CDKN2B-AS1: variants seen among roughly 807,000 people sequenced by gnomAD.
CDKN2B-AS1 encodes the protein CDKN2B antisense RNA 1 (non-protein coding).
Position 22,005,971 on chromosome 9 carries a change from G to T in CDKN2B-AS1, n.29+10810G>T, listed in dbSNP as rs1236903040. The T allele has an allele frequency of 6.2e-7, 1 of 1,600,122 alleles. No individual in the cohort carries two copies. The highest frequency in any genetic ancestry group is 8.5e-7 in the Non-Finnish European group (1 of 1,179,682). ...TAAGAAAATAAAGTCGTTGTGGGCG[G>T]CTGGGGAACCTGGCGTCAGTCCCCC... On this transcript the variant is annotated intron_variant and non_coding_transcript_variant, in intron 1 of 4. Coordinates refer to ENST00000650946, the Ensembl canonical transcript of CDKN2B-AS1. This position sits in a 1 kb window ranked among gnomAD's most constrained non-coding sequence, Gnocchi z 4.9.
At chr9:22,055,296 T>A (rs938715164) in intron 3 of CDKN2B-AS1, among the ~76,000 whole-genome samples, 49 of 152,064 alleles carry the variant, frequency 3.2e-4, no homozygotes, top group Non-Finnish European at 1.3e-4. Context: ...ATCTACTCTC[T>A]TAGCAATTTT....
At chr9:22,077,505 T>TATCAGTTG in intron 4 of CDKN2B-AS1, among the ~76,000 whole-genome samples, 1 of 152,354 alleles carries the variant, frequency 6.6e-6, no homozygotes, top group East Asian at 1.9e-4. Flanking sequence ...TTTATCAGTT[T>TATCAGTTG]AATATAAACA....
intron 1 of CDKN2B-AS1, among the ~76,000 whole-genome samples, chr9:22,011,942 G>A (rs984566905): frequency 6.6e-6 from 1 of 152,192 alleles, no homozygotes; most frequent in Non-Finnish European, 1.5e-5. Flanking sequence ...GAAAGAAAGA[G>A]AAAGTTAATG....
intron 4 of CDKN2B-AS1, among the ~76,000 whole-genome samples, chr9:22,071,745 A>G (rs1438439745): frequency 6.6e-6 from 1 of 152,140 alleles, no homozygotes. Context: ...CTTTTGAATT[A>G]TTTTTCGTAT....
chr9:22,066,641 A>G (rs192734009), intron 4 of CDKN2B-AS1, among the ~76,000 whole-genome samples: 32 of 152,082 alleles, frequency 2.1e-4, no homozygotes, highest in African/African-American at 7.7e-4. Context: ...GCTATTGTCA[A>G]TAATGTCTCA....
At chr9:22,032,169 A>G (rs1822503766) in intron 1 of CDKN2B-AS1, among the ~76,000 whole-genome samples, 1 of 152,142 alleles carries the variant, frequency 6.6e-6, no homozygotes, top group Non-Finnish European at 1.5e-5. Flanking sequence ...GAGAATGGTC[A>G]TTTGTGATTC....
chr9:22,044,105 G>T (rs1417623595), intron 1 of CDKN2B-AS1, among the ~76,000 whole-genome samples: 1 of 151,946 alleles, frequency 6.6e-6, no homozygotes, highest in Non-Finnish European at 1.5e-5. Context: ...AAGGAACAGT[G>T]GAAGTCAAGC....
chr9:22,034,383 G>A (rs899333354), intron 1 of CDKN2B-AS1, among the ~76,000 whole-genome samples: 3 of 152,070 alleles, frequency 2.0e-5, no homozygotes, highest in African/African-American at 7.2e-5. Flanking sequence ...GTTCCCCCCT[G>A]ACTTTCTGCC....
At chr9:22,121,130 C>T (rs147500678) in intron 4 of CDKN2B-AS1, 1 of 151,970 alleles carries the variant, frequency 6.6e-6, no homozygotes, top group East Asian at 1.9e-4. Flanking sequence ...TACTTTTTCA[C>T]CCCATAACAC....
chr9:21,999,610 C>T lies in CDKN2B-AS1; in HGVS notation n.29+4449C>T, dbSNP rs994799892. Among the ~76,000 whole-genome samples, 1 of 152,024 alleles carries T rather than the reference C, an allele frequency of 6.6e-6. No homozygotes were observed. Among genetic ancestry groups the T allele is most frequent in the African/African-American group, 2.4e-5 (1 of 41,406 alleles). The stretch of plus-strand genomic sequence containing the variant: ...TAACTTCAGCTAAAGCAATTCACTC[C>T]TATATAAATTGCTACAGATAACTTG... On this transcript the variant is annotated intron_variant and non_coding_transcript_variant, in intron 1 of 4. Transcript: ENST00000650946. This position sits in a 1 kb window ranked among gnomAD's most constrained non-coding sequence, Gnocchi z 4.7.
chr9:22,119,431 T>C (rs1295261051), intron 4 of CDKN2B-AS1: 4 of 152,178 alleles, frequency 2.6e-5, no homozygotes, highest in Admixed American at 2.6e-4. Flanking sequence ...TTCACTCTTA[T>C]GCGCTCTTGG....
intron 4 of CDKN2B-AS1, among the ~76,000 whole-genome samples, chr9:22,107,655 C>T (rs994612240): frequency 6.6e-6 from 1 of 152,186 alleles, no homozygotes; most frequent in Non-Finnish European, 1.5e-5. Flanking sequence ...CCTGTCCTGA[C>T]TTTCTCCACC....
At chr9:22,028,056 A>C (rs1425241218) in intron 1 of CDKN2B-AS1, among the ~76,000 whole-genome samples, 2 of 152,152 alleles carry the variant, frequency 1.3e-5, no homozygotes, top group East Asian at 3.8e-4. Context: ...CTAATCACAT[A>C]GAGACTTGTC....
At chr9:22,047,086 A>G (rs934451484) in intron 2 of CDKN2B-AS1, among the ~76,000 whole-genome samples, 8 of 152,170 alleles carry the variant, frequency 5.3e-5, no homozygotes, top group African/African-American at 1.9e-4. Flanking sequence ...TCCATGTGAT[A>G]CAGGTAAACT....
At chr9:22,048,370 C>T (rs1339208908) in intron 2 of CDKN2B-AS1, among the ~76,000 whole-genome samples, 2 of 152,126 alleles carry the variant, frequency 1.3e-5, no homozygotes, top group South Asian at 2.1e-4. Context: ...CCCAATCCTG[C>T]ATTTCTCAAC....
intron 4 of CDKN2B-AS1, among the ~76,000 whole-genome samples, chr9:22,060,253 A>T (rs1260519332): frequency 6.6e-6 from 1 of 152,186 alleles, no homozygotes; most frequent in African/African-American, 2.4e-5. Flanking sequence ...AACAGTACCC[A>T]AGTCACATCT....
chr9:22,073,511 G>C (rs562311342), intron 4 of CDKN2B-AS1, among the ~76,000 whole-genome samples: 1 of 152,268 alleles, frequency 6.6e-6, no homozygotes, highest in East Asian at 1.9e-4. Context: ...GTGAGACAGA[G>C]AGATTTCTAA....
At position 22,006,693 on chromosome 9, in the gene CDKN2B-AS1, G is replaced by A. The variant is rs1821206899; in HGVS notation, n.29+11532G>A. Among the ~76,000 whole-genome samples, 1 of 151,916 alleles carries A rather than the reference G, an allele frequency of 6.6e-6. No homozygotes were observed. Among genetic ancestry groups the A allele is most frequent in the African/African-American group, 2.4e-5 (1 of 41,358 alleles). ...AATATTTATTAGGTAGTCAACTACT[G>A]TTTGTTAGAAGTTGGGAGTAATGGT... is the stretch of plus-strand genomic sequence containing the variant. On this transcript the variant is annotated intron_variant and non_coding_transcript_variant, in intron 1 of 4. Transcript: ENST00000650946. The surrounding 1 kb of genome is among the most constrained non-coding windows in gnomAD (Gnocchi z 6.4).
chr9:22,064,637 C>G (rs1823965556), intron 4 of CDKN2B-AS1, among the ~76,000 whole-genome samples: 1 of 152,076 alleles, frequency 6.6e-6, no homozygotes, highest in Non-Finnish European at 1.5e-5. Context: ...GTCTGAGGGT[C>G]TGAAGTAGGA....
Sources: gnomAD v4.1 joint callset for allele counts (sites outside exome capture counted in the v4.1 genomes callset) on GRCh38, gnomAD v4.1.1 for gene constraint, Gnocchi (gnomAD v3.1) non-coding constraint, MANE v1.5 for transcripts, NCBI Gene and HGNC (gene_info 2026-07-23, HGNC 2026-07-21) for gene names.